ANKS3: variants seen among roughly 807,000 people sequenced by gnomAD.
ANKS3 encodes the protein ankyrin repeat and sterile alpha motif domain containing 3.
In ANKS3, 62 loss-of-function variants were observed where a neutral mutation model predicts 80.7. The ratio of observed to expected loss-of-function variants is 0.77; its 90% CI spans 0.63 to 0.95. The LOEUF (loss-of-function observed/expected upper bound fraction) is 0.95. Among genes scored for constraint, ANKS3 ranks in the 40% least tolerant of loss-of-function variants. The pLI, the probability that ANKS3 is intolerant of heterozygous loss-of-function variation, is 0.00. For synonymous variants in ANKS3, 489 were observed against 355.3 expected (o/e 1.38, Z -4.23); for missense variants, 1,150 against 883.6 (o/e 1.30, Z -3.82).
Position 4,703,708 on chromosome 16 carries a change from G to C in ANKS3, c.868+1387C>G, listed in dbSNP as rs548217673. ...TTACAGGCGTGAGCCACTGCGCCCG[G>C]CCCCAAATTTCTTAATTACTGGCAA... On this transcript the variant is annotated intron_variant, in intron 8 of 17. Coordinates refer to ENST00000304283, the MANE Select transcript of ANKS3 (RefSeq NM_133450.4). 1.5e-4 allele frequency among the ~76,000 whole-genome samples: 23 copies of C among 152,244 alleles called. 1 individual carries two copies. In the South Asian group the frequency reaches 4.6e-3, roughly 30 times the overall value.
At chr16:4,713,907 G>C in intron 7 of ANKS3, 144 bp downstream of exon 7, 1 of 1,174,096 alleles carries the variant, frequency 8.5e-7, no homozygotes, top group Non-Finnish European at 1.2e-6. Context: ...CCTCAACCTT[G>C]ACATGTAAGC....
At chr16:4,724,116 T>C (rs1352713423) in intron 6 of ANKS3, among the ~76,000 whole-genome samples, 2 of 152,112 alleles carry the variant, frequency 1.3e-5, no homozygotes, top group Non-Finnish European at 2.9e-5. Flanking sequence ...TAACTGCAAA[T>C]GTATTAAAGC....
chr16:4,718,513 G>A (rs556042728), intron 6 of ANKS3, among the ~76,000 whole-genome samples: 2 of 152,328 alleles, frequency 1.3e-5, no homozygotes, highest in African/African-American at 2.4e-5. Flanking sequence ...TCCTCCCCTA[G>A]CAAAGAGCAC....
intron 11 of ANKS3, 122 bp from the exon 12 acceptor site, chr16:4,699,298 G>A: frequency 2.9e-6 from 4 of 1,368,008 alleles, no homozygotes; most frequent in Non-Finnish European, 4.0e-6. Context: ...CTTGTGTGTG[G>A]CGCCCAGGCT....
chr16:4,711,867 T>C (rs2080508831), intron 7 of ANKS3, among the ~76,000 whole-genome samples: 1 of 152,024 alleles, frequency 6.6e-6, no homozygotes, highest in Admixed American at 6.6e-5. Flanking sequence ...CCAATCTCTA[T>C]AGAAGAAATA....
chr16:4,718,417 A>G (rs1355098064), intron 6 of ANKS3, among the ~76,000 whole-genome samples: 1 of 152,230 alleles, frequency 6.6e-6, no homozygotes, highest in Non-Finnish European at 1.5e-5. Context: ...AGACAGATCC[A>G]TATCCTCTTC....
Position 4,698,362 on chromosome 16 carries a change from G to A in ANKS3, c.1724+65C>T, listed in dbSNP as rs1287904438. On this transcript the variant is annotated intron_variant, in intron 14 of 17. Transcript: ENST00000304283. Reference sequence around the variant, plus strand: ...ACAAAATCAGGAGGAAAGGATGTGTGGGGGCCCAGGGGCCAGGTGGCTGAC... The same window carrying A: ...ACAAAATCAGGAGGAAAGGATGTGTAGGGGCCCAGGGGCCAGGTGGCTGAC... 6 of 1,431,650 alleles carry A rather than the reference G, an allele frequency of 4.2e-6. No individual in the cohort carries two copies. The African/African-American group carries it at 4.3e-5, about 10-fold the overall frequency. 88.7% of individuals were successfully genotyped at this position (1,431,650 alleles called of 1,614,324 possible). A position where few individuals can be genotyped will look rare whatever the true frequency, so the allele number is the denominator to read the frequency against.
intron 3 of ANKS3, chr16:4,727,507 C>T: frequency 2.6e-6 from 1 of 385,224 alleles, no homozygotes; most frequent in Non-Finnish European, 4.9e-6. Context: ...TTTTGGTTCT[C>T]ACAACTGGGC....
chr16:4,727,164 A>C lies in ANKS3; in HGVS notation c.184T>G (p.Leu62Val), dbSNP rs1256448702. The C allele has an allele frequency of 6.2e-7, 1 of 1,614,052 alleles. No homozygotes were observed. ...KECVQRRELD[L>V]NKKNGGGWTP... ...CAGCCACCACCATTCTTCTTATTCA[A>C]ATCTAACTCTCTCCTAAACAAACGC... is the stretch of plus-strand genomic sequence containing the variant. Residue 62 changes from leucine to valine, a missense_variant, in exon 4 of 18, where the codon TTG (leucine) becomes GTG (valine). Coordinates refer to ENST00000304283, the MANE Select transcript of ANKS3 (RefSeq NM_133450.4).
rs1334712043 is a variant in ANKS3 at position 4,705,238 on chromosome 16, A to G, written c.725T>C (p.Leu242Pro). ...AGGGCAGGACTCGTCAGAAGAGCTC[A>G]GATCTTCGTACTTTTCTGTGATCAA... ...LYRSPEKYED[L>P]SSSDESCPAP... The change falls in exon 8 of 18, where the codon CTG (leucine) becomes CCG (proline). Residue 242 changes from leucine to proline, a missense_variant. Coordinates refer to ENST00000304283, the MANE Select transcript of ANKS3 (RefSeq NM_133450.4). 6.2e-7 allele frequency: 1 copy of G among 1,613,918 alleles called. No individual in the cohort carries two copies. The highest frequency in any genetic ancestry group is 1.1e-5 in the South Asian group (1 of 91,060).
chr16:4,698,287 G>A, intron 14 of ANKS3, 140 bp downstream of exon 14: 1 of 1,275,738 alleles, frequency 7.8e-7, no homozygotes, highest in Non-Finnish European at 1.0e-6. Flanking sequence ...GGAAGGGCCT[G>A]ATGAAATGGG....
At chr16:4,721,646 A>ATTTG (rs2081106392) in intron 6 of ANKS3, among the ~76,000 whole-genome samples, 1 of 150,062 alleles carries the variant, frequency 6.7e-6, no homozygotes, top group African/African-American at 2.4e-5. Flanking sequence ...TTATTTATTT[A>ATTTG]TTTATTTATT....
At position 4,701,490 on chromosome 16, in the gene ANKS3, C is replaced by T. The variant is rs759058809; in HGVS notation, c.1063G>A (p.Glu355Lys). ...AGCCCCTGGGCTCTGGCCAGGCCCT[C>T]GCTGCTGCTGCTGCTCTGGACGGGC... Reference protein sequence around the residue: ...LGPVQSSSSSEGLARAQGLSS... With the variant: ...LGPVQSSSSSKGLARAQGLSS... Residue 355 changes from glutamate (E) to lysine (K), a missense_variant, in exon 10 of 18, where the codon GAG (glutamate) becomes AAG (lysine). Physicochemically the swap from Glu to Lys is moderately conservative, Grantham distance 56. Transcript: ENST00000304283. The T allele has an allele frequency of 2.5e-6, 4 of 1,612,044 alleles. No homozygotes were observed. Among genetic ancestry groups the T allele is most frequent in the South Asian group, 1.1e-5 (1 of 91,002 alleles).
chr16:4,730,144 G>T lies in ANKS3; in HGVS notation c.6C>A (p.Ser2=). The T allele has an allele frequency of 6.4e-7, 1 of 1,552,792 alleles. No individual in the cohort carries two copies. Among genetic ancestry groups the T allele is most frequent in the Non-Finnish European group, 8.7e-7 (1 of 1,144,570 alleles). Residue 2 remains serine, a synonymous_variant, in exon 3 of 18, where the codon TCC becomes TCA. Transcript: ENST00000304283. The part of the protein sequence containing the change: M[S]ELSDEASEPE... ...GCTCGCTGGCTTCATCGCTGAGCTC[G>T]GACATCACTGAGGAGGAAGGCCCAA...
chr16:4,713,131 C>A (rs774894834), intron 7 of ANKS3, among the ~76,000 whole-genome samples: 1 of 151,934 alleles, frequency 6.6e-6, no homozygotes, highest in Non-Finnish European at 1.5e-5. Context: ...ATTAGCCGGG[C>A]ATGGTGGTGC....
chr16:4,700,666 A>G (rs1423751742), intron 11 of ANKS3: 1 of 477,954 alleles, frequency 2.1e-6, no homozygotes, highest in South Asian at 2.0e-5. Flanking sequence ...ATCTTGTCAG[A>G]CTCCTGCAGG....
intron 7 of ANKS3, among the ~76,000 whole-genome samples, chr16:4,712,141 C>T (rs1429545365): frequency 1.3e-5 from 2 of 152,146 alleles, no homozygotes; most frequent in Non-Finnish European, 2.9e-5. Context: ...GAGGCTGAGG[C>T]AGGCGGATCA....
intron 6 of ANKS3, among the ~76,000 whole-genome samples, chr16:4,721,704 T>C (rs2081111070): frequency 6.6e-6 from 1 of 151,148 alleles, no homozygotes; most frequent in Admixed American, 6.6e-5. Flanking sequence ...AGTGGCAACA[T>C]CTTGGCTCAT....
At chr16:4,708,778 CA>C (rs34174802) in intron 7 of ANKS3, among the ~76,000 whole-genome samples, 75,495 of 149,596 alleles carry the variant, frequency 0.5, 19,617 homozygotes, top group East Asian at 0.67. Flanking sequence ...ACTAAAAATA[CA>C]AAAAAAAAAT....
Sources: gnomAD v4.1 joint callset for allele counts (sites outside exome capture counted in the v4.1 genomes callset) on GRCh38, gnomAD v4.1.1 for gene constraint, MANE v1.5 for transcripts, NCBI Gene and HGNC (gene_info 2026-07-23, HGNC 2026-07-21) for gene names.